Variants in CDH17 observed in about 807,000 individuals in gnomAD.
The protein encoded by CDH17 is cadherin-17.
In CDH17, 67 loss-of-function variants were observed where a neutral mutation model predicts 86.3. That is an observed-to-expected ratio of 0.78 (90% confidence interval 0.64 to 0.95). CDH17 has a LOEUF of 0.95. Among genes scored for constraint, CDH17 ranks in the 40% least tolerant of loss-of-function variants. The pLI is 0.00. For missense variants in CDH17, 993 were observed against 1,017.6 expected, an observed-to-expected ratio of 0.98 and a Z score of 0.33; for synonymous variants, 367 against 366.4, an observed-to-expected ratio of 1.00 and a Z score of -0.02.
chr8:94,199,450 T>C (rs907682199), intron 1 of CDH17, among the ~76,000 whole-genome samples: 5 of 142,652 alleles, frequency 3.5e-5, no homozygotes, highest in Admixed American at 1.4e-4. Flanking sequence ...AGATCATCTC[T>C]TCTTGAACTA....
intron 4 of CDH17, 115 bp from the exon 5 acceptor site, chr8:94,176,794 G>T: frequency 9.3e-7 from 1 of 1,075,700 alleles, no homozygotes; most frequent in Non-Finnish European, 1.3e-6. Flanking sequence ...GACTGTAGGA[G>T]AGAAAGAACT....
At chr8:94,201,866 T>G (rs1168295233) in intron 1 of CDH17, 2 of 155,194 alleles carry the variant, frequency 1.3e-5, no homozygotes, top group South Asian at 1.9e-4. Flanking sequence ...ATTAACGGCA[T>G]TCATTTATTT....
upstream of CDH17, among the ~76,000 whole-genome samples, chr8:94,210,916 G>A (rs572786536): frequency 1.5e-4 from 23 of 151,540 alleles, no homozygotes; most frequent in East Asian, 1.6e-3. Context: ...AGCTACTCAG[G>A]AGGCTGACTC....
rs541807074 is a variant in CDH17, at chr8:94,167,982, A to T, written c.1067-2006T>A. On this transcript the variant is annotated intron_variant, in intron 9 of 17. Coordinates refer to ENST00000027335, the MANE Select transcript of CDH17 (RefSeq NM_004063.4). ...TTTTATGAGAGTCTAAATTTTCTGTATGAATACATAAGACTTGGTGGCAAG... is the reference window on the plus strand; with the variant it reads ...TTTTATGAGAGTCTAAATTTTCTGTTTGAATACATAAGACTTGGTGGCAAG... 2.6e-5 allele frequency among the ~76,000 whole-genome samples: 4 copies of T among 151,014 alleles called. No individual in the cohort carries two copies. The South Asian group carries it at 8.4e-4, about 32-fold the overall frequency.
intron 1 of CDH17, among the ~76,000 whole-genome samples, chr8:94,198,990 C>G (rs1456789817): frequency 6.9e-6 from 1 of 145,920 alleles, no homozygotes; most frequent in Non-Finnish European, 1.5e-5. Context: ...TTCATGAAAT[C>G]TTCCTTGATT....
chr8:94,154,092 G>T (rs1334107184), intron 12 of CDH17, among the ~76,000 whole-genome samples: 1 of 152,158 alleles, frequency 6.6e-6, no homozygotes, highest in Admixed American at 6.5e-5. Context: ...GCTCTAATTA[G>T]TCATTCTACA....
At chr8:94,166,562 C>T (rs56214425) in intron 9 of CDH17, among the ~76,000 whole-genome samples, 2,554 of 152,178 alleles carry the variant, frequency 0.017, 29 homozygotes, top group Non-Finnish European at 0.025. Context: ...TTGGGGGGCA[C>T]GGGGACACAT....
At chr8:94,149,671 G>C (rs1027819805) in intron 13 of CDH17, among the ~76,000 whole-genome samples, 5 of 152,176 alleles carry the variant, frequency 3.3e-5, no homozygotes, top group African/African-American at 1.2e-4. Context: ...GGGTATACTT[G>C]GGAAGCAGAA....
At chr8:94,190,516 T>C (rs1813668431) in intron 2 of CDH17, among the ~76,000 whole-genome samples, 1 of 152,200 alleles carries the variant, frequency 6.6e-6, no homozygotes, top group African/African-American at 2.4e-5. Context: ...TAGTGCCTCA[T>C]CCCCACGCTG....
intron 12 of CDH17, among the ~76,000 whole-genome samples, chr8:94,158,542 G>T (rs1374269098): frequency 6.6e-6 from 1 of 152,178 alleles, no homozygotes; most frequent in African/African-American, 2.4e-5. Context: ...ATAAAAGGAA[G>T]CTGCCCCCGT....
chr8:94,148,599 T>C, intron 14 of CDH17, 145 bp downstream of exon 14: 1 of 525,730 alleles, frequency 1.9e-6, no homozygotes, highest in Non-Finnish European at 3.2e-6. Flanking sequence ...TTATATTTTG[T>C]ACCCTTCTCA....
intron 2 of CDH17, among the ~76,000 whole-genome samples, chr8:94,189,989 AGCTAAGCAG>A (rs1259756749): frequency 1.3e-5 from 2 of 152,066 alleles, no homozygotes; most frequent in African/African-American, 2.4e-5. Flanking sequence ...TAAACTTGAA[AGCTAAGCAG>A]GCTCTGCAGA....
At chr8:94,158,732 G>A (rs1025347213) in intron 12 of CDH17, among the ~76,000 whole-genome samples, 4 of 152,184 alleles carry the variant, frequency 2.6e-5, no homozygotes, top group African/African-American at 7.2e-5. Context: ...CTGGTCCACA[G>A]CAACCTCTCT....
intron 1 of CDH17, among the ~76,000 whole-genome samples, chr8:94,208,241 T>C (rs1313955293): frequency 6.6e-6 from 1 of 152,216 alleles, no homozygotes; most frequent in Non-Finnish European, 1.5e-5. Flanking sequence ...TTGATTTCAC[T>C]GCAGCCACTT....
chr8:94,209,146 T>A (rs1438779920), upstream of CDH17, among the ~76,000 whole-genome samples: 1 of 151,816 alleles, frequency 6.6e-6, no homozygotes, highest in Non-Finnish European at 1.5e-5. Context: ...ACAAACCAAG[T>A]CCTTTTTTCC....
Position 94,165,771 on chromosome 8 carries a change from C to T in CDH17, c.1272G>A (p.Val424=), listed in dbSNP as rs558502202. The change falls in exon 10 of 18, where the codon GTG becomes GTA. Residue 424 remains valine (V), a synonymous_variant. Coordinates refer to ENST00000027335, the MANE Select transcript of CDH17 (RefSeq NM_004063.4). ...DTPQYNLTIE[V]SDKDFKTLCF... Reference sequence around the variant, plus strand: ...GGATATGATACTAACCTTTGTCAGACACCTCTATCGTTAAGTTGTACTGAG... The same window carrying T: ...GGATATGATACTAACCTTTGTCAGATACCTCTATCGTTAAGTTGTACTGAG... The T allele has an allele frequency of 8.7e-6, 14 of 1,608,376 alleles. No individual in the cohort carries two copies. The highest frequency in any genetic ancestry group is 2.2e-5 in the East Asian group (1 of 44,814).
intron 13 of CDH17, among the ~76,000 whole-genome samples, chr8:94,149,889 A>G (rs1812826336): frequency 6.6e-6 from 1 of 152,214 alleles, no homozygotes; most frequent in African/African-American, 2.4e-5. Flanking sequence ...GCAACACATC[A>G]TAGTCATGAG....
intron 15 of CDH17, 77 bp from the exon 16 acceptor site, chr8:94,131,069 C>T (rs1812407124): frequency 1.3e-6 from 1 of 787,500 alleles, no homozygotes; most frequent in South Asian, 1.5e-5. Flanking sequence ...TTTTGTATCA[C>T]ATACTAAGGT....
chr8:94,216,787 TA>T (rs1814201345), intron 1 of CDH17, among the ~76,000 whole-genome samples: 1 of 152,190 alleles, frequency 6.6e-6, no homozygotes, highest in Non-Finnish European at 1.5e-5. Flanking sequence ...TCTTTATCTC[TA>T]AAGAGAGGTT....
Sources: allele counts gnomAD v4.1 joint callset (sites outside exome capture counted in the v4.1 genomes callset), GRCh38; gene constraint gnomAD v4.1.1; transcripts MANE v1.5; gene names NCBI Gene and HGNC (gene_info 2026-07-23, HGNC 2026-07-21).